Variants in PAX6 observed in about 807,000 individuals in gnomAD.
The protein encoded by PAX6 is paired box 6.
A neutral mutation model predicts 60.7 loss-of-function variants in PAX6; 7 were observed. That is an observed-to-expected ratio of 0.12 (90% confidence interval 0.07 to 0.22). The LOEUF (loss-of-function observed/expected upper bound fraction) is 0.22, where lower values mean the gene tolerates loss of function less well. PAX6 is among the 10% of genes least tolerant of loss of function. The pLI is 1.00. For missense variants in PAX6, 355 were observed against 555.2 expected, an observed-to-expected ratio of 0.64 and a Z score of 3.62; for synonymous variants, 208 against 201.2, an observed-to-expected ratio of 1.03 and a Z score of -0.29.
At chr11:31,804,597 G>A (rs1955176440) in intron 4 of PAX6, 1 of 152,346 alleles carries the variant, frequency 6.6e-6, no homozygotes, top group Admixed American at 6.5e-5. Flanking sequence ...CACGTTTCCG[G>A]TTTCTCCTAA....
chr11:31,792,890 T>G (rs527443045), intron 12 of PAX6: 1 of 232,520 alleles, frequency 4.3e-6, no homozygotes, highest in South Asian at 6.9e-5. Flanking sequence ...TTTCTTATTG[T>G]AGATACAGAC....
intron 8 of PAX6, among the ~76,000 whole-genome samples, chr11:31,799,320 C>G (rs1192676934): frequency 6.6e-6 from 1 of 152,026 alleles, no homozygotes; most frequent in East Asian, 1.9e-4. Context: ...GCCCGGGCCC[C>G]GCGCGTCAGG....
chr11:31,801,269 C>A, intron 7 of PAX6: 1 of 1,389,146 alleles, frequency 7.2e-7, no homozygotes, highest in Admixed American at 3.0e-5. Flanking sequence ...GACGAAGTTA[C>A]AATCTGGTTC....
At chr11:31,796,020 G>A (rs576260570) in intron 8 of PAX6, among the ~76,000 whole-genome samples, 44 of 152,250 alleles carry the variant, frequency 2.9e-4, no homozygotes, top group Non-Finnish European at 6.5e-4. Context: ...AATAGGCTGC[G>A]CCTTCAAAGA....
chr11:31,799,238 C>A (rs1049547763), intron 8 of PAX6, among the ~76,000 whole-genome samples: 1 of 151,958 alleles, frequency 6.6e-6, no homozygotes, highest in African/African-American at 2.4e-5. Context: ...GAGGCGGGAG[C>A]GGGCCTGGGG....
chr11:31,798,395 C>T (rs777582374), intron 8 of PAX6, among the ~76,000 whole-genome samples: 17 of 111,304 alleles, frequency 1.5e-4, no homozygotes, highest in Middle Eastern at 4.0e-3. Flanking sequence ...AGACCTAACC[C>T]CCGCCTTATG....
intron 8 of PAX6, among the ~76,000 whole-genome samples, chr11:31,799,389 A>G (rs1028385460): frequency 5.9e-5 from 9 of 152,202 alleles, no homozygotes; most frequent in African/African-American, 2.2e-4. Flanking sequence ...TTTGCTCCCT[A>G]TCTTCCCAGT....
At chr11:31,800,952 AC>A in intron 7 of PAX6, 96 bp from the exon 8 acceptor site, 1 of 1,332,656 alleles carries the variant, frequency 7.5e-7, no homozygotes, top group South Asian at 1.2e-5. Flanking sequence ...GCAACTCTCA[AC>A]CCGTTAAAAA....
chr11:31,800,956 G>T, intron 7 of PAX6, 100 bp from the exon 8 acceptor site: 1 of 1,271,686 alleles, frequency 7.9e-7, no homozygotes, highest in Non-Finnish European at 1.1e-6. Flanking sequence ...CTCTCAACCC[G>T]TTAAAAAGCT....
intron 1 of PAX6, among the ~76,000 whole-genome samples, chr11:31,816,949 T>C (rs2135449786): frequency 6.6e-6 from 1 of 152,352 alleles, no homozygotes; most frequent in South Asian, 2.1e-4. Context: ...TTCGCCCGGC[T>C]GAACCACAAG....
intron 4 of PAX6, chr11:31,803,967 A>ATC (rs1954937657): frequency 6.6e-6 from 1 of 152,274 alleles, no homozygotes. Flanking sequence ...GCCCCGACTT[A>ATC]GATAGCAGCC....
At chr11:31,798,947 G>A (rs1353717958) in intron 8 of PAX6, among the ~76,000 whole-genome samples, 1 of 152,234 alleles carries the variant, frequency 6.6e-6, no homozygotes, top group Non-Finnish European at 1.5e-5. Context: ...GCACCGGGGA[G>A]AGCCCGGAGT....
chr11:31,812,074 G>T (rs1348239182), upstream of PAX6: 1 of 152,360 alleles, frequency 6.6e-6, no homozygotes. Context: ...GGAGAGGCCC[G>T]AGTAAACACG....
At position 31,794,420 on chromosome 11, in the gene PAX6, CCACACACACACACACACACACACACA is replaced by C. The variant is rs10525266; in HGVS notation, c.724+184_724+209del. 4,779 of 517,348 alleles carry C rather than the reference CCACACACACACACACACACACACACA, an allele frequency of 9.2e-3. 20 individuals are homozygous for C. Among genetic ancestry groups the C allele is most frequent in the African/African-American group, 0.024 (1,175 of 48,362 alleles). The allele number at this position is 517,348 out of a possible 1,614,324, so 32.0% of individuals were successfully genotyped here. On this transcript the variant is annotated intron_variant, in intron 9 of 13. Transcript: ENST00000640368. ...AAAAGAAGAAACACACACACACACA[CCACACACACACACACACACACACACA>C]CACACACACACACACACACACACAC...
intron 9 of PAX6, 72 bp from the exon 10 acceptor site, chr11:31,794,186 A>T: frequency 2.0e-6 from 2 of 977,864 alleles, no homozygotes; most frequent in Non-Finnish European, 3.3e-6. Flanking sequence ...TGTGCATCAA[A>T]CTGGTTCCCA....
chr11:31,811,651 C>G (rs1957033152), upstream of PAX6: 2 of 159,822 alleles, frequency 1.3e-5, no homozygotes, highest in African/African-American at 2.4e-5. Context: ...AAGCTGGACT[C>G]GGGACTCCCA....
chr11:31,816,450 C>G, intron 1 of PAX6: 1 of 674,458 alleles, frequency 1.5e-6, no homozygotes, highest in Non-Finnish European at 2.7e-6. Flanking sequence ...TATGTCACCG[C>G]GTTTTCTCGC....
chr11:31,816,360 AG>A (rs1957374593), intron 1 of PAX6: 1 of 564,384 alleles, frequency 1.8e-6, no homozygotes, highest in East Asian at 2.9e-5. Context: ...CCGATCACGA[AG>A]GGCACGGGCA....
chr11:31,802,622 C>T (rs1266326826), intron 5 of PAX6, 82 bp downstream of exon 5: 9 of 1,490,828 alleles, frequency 6.0e-6, no homozygotes, highest in Non-Finnish European at 8.1e-6. Flanking sequence ...TAATTAGCAT[C>T]GTTTACAGTA....
Sources: allele counts gnomAD v4.1 joint callset (sites outside exome capture counted in the v4.1 genomes callset), GRCh38; gene constraint gnomAD v4.1.1; transcripts MANE v1.5; gene names NCBI Gene and HGNC (gene_info 2026-07-23, HGNC 2026-07-21).